Variants in KIF2C observed in about 807,000 individuals in gnomAD.
KIF2C encodes kinesin family member 2C.
KIF2C carries 34 observed loss-of-function variants against 97.4 expected under a neutral mutation model. That is an observed-to-expected ratio of 0.35 (90% confidence interval 0.27 to 0.46). The LOEUF (loss-of-function observed/expected upper bound fraction) is 0.46. Among genes scored for constraint, KIF2C ranks in the 20% least tolerant of loss-of-function variants. KIF2C has a pLI of 1.00. For missense variants in KIF2C, 750 were observed against 907.6 expected (o/e 0.83, Z 2.23); for synonymous variants, 313 against 318.2 (o/e 0.98, Z 0.17).
intron 10 of KIF2C, among the ~76,000 whole-genome samples, 157 bp from the exon 11 acceptor site, chr1:44,757,399 A>C (rs1281143395): frequency 6.6e-6 from 1 of 152,104 alleles, no homozygotes; most frequent in Non-Finnish European, 1.5e-5. Context: ...CAGATTTGTA[A>C]AGTGGGGTTG....
In KIF2C at chr1:44,753,222, G is replaced by C. The variant is rs144386774; in HGVS notation, c.530G>C (p.Arg177Pro). The C allele has an allele frequency of 6.2e-7, 1 of 1,613,892 alleles. No individual in the cohort carries two copies. The highest frequency in any genetic ancestry group is 2.2e-5 in the East Asian group (1 of 44,858). The change falls in exon 6 of 21, where the codon CGA becomes CCA. Residue 177 changes from arginine (R) to proline (P), a missense_variant. By Grantham distance (103) the Arg-to-Pro change is moderately radical (BLOSUM62 -2). Coordinates refer to ENST00000372224, the MANE Select transcript of KIF2C (RefSeq NM_006845.4). ...EEMEEQVHSI[R>P]GSSSANPVNS... is the part of the protein sequence containing the mutation. ...ATGGAAGAGCAAGTCCATTCCATCC[G>C]AGGCAGCTCTTCTGCAAACCCTGTG...
Position 44,739,859 on chromosome 1 carries a change from G to T in KIF2C, c.-74G>T, listed in dbSNP as rs1648841592. 1.6e-5 allele frequency: 22 copies of T among 1,392,790 alleles called. No homozygotes were observed. Among genetic ancestry groups the T allele is most frequent in the Middle Eastern group, 1.8e-4 (1 of 5,638 alleles). 86.3% of individuals were successfully genotyped at this position (1,392,790 alleles called of 1,614,324 possible). A position where few individuals can be genotyped will look rare whatever the true frequency, so the allele number is the denominator to read the frequency against. On this transcript the variant is annotated 5_prime_UTR_variant, in exon 1 of 21. Coordinates refer to ENST00000372224, the MANE Select transcript of KIF2C (RefSeq NM_006845.4). ...TTTAAACTGCGGCGGTTTACGCGGC[G>T]TTAAGACTTCGTAGGGTTAGCGAAA...
At chr1:44,764,337 G>C (rs1030491808) in intron 19 of KIF2C, among the ~76,000 whole-genome samples, 1 of 151,534 alleles carries the variant, frequency 6.6e-6, no homozygotes, top group Admixed American at 6.6e-5. Flanking sequence ...CACCATGCCT[G>C]GCTAATTTTT....
chr1:44,751,531 G>A (rs923992202), intron 5 of KIF2C, among the ~76,000 whole-genome samples: 29 of 128,934 alleles, frequency 2.2e-4, no homozygotes, highest in Non-Finnish European at 1.7e-4. Context: ...TTTTTGAGAC[G>A]GAATTTTGCT....
Position 44,757,945 on chromosome 1 carries a change from C to T in KIF2C, c.1106C>T (p.Ala369Val), listed in dbSNP as rs528814648. ...GACCTCTCTGGGAAAGCCCAGAATG[C>T]ATCCAAAGGGATCTATGCCATGGCC... Reference protein sequence around the residue: ...GGDLSGKAQNASKGIYAMASR... With the variant: ...GGDLSGKAQNVSKGIYAMASR... Residue 369 changes from alanine to valine, a missense_variant, in exon 12 of 21, where the codon GCA becomes GTA. Ala to Val is a moderately conservative substitution (Grantham distance 64). Transcript: ENST00000372224. 109 of 1,614,182 alleles carry T rather than the reference C, an allele frequency of 6.8e-5. 1 individual carries two copies. In the Admixed American group the frequency reaches 1.8e-3, roughly 27 times the overall value.
At position 44,747,550 on chromosome 1, in the gene KIF2C, G is replaced by C. The variant is rs940155928; in HGVS notation, c.267+65G>C. The C allele has an allele frequency of 8.3e-6, 13 of 1,571,678 alleles. No individual in the cohort carries two copies. In the African/African-American group the frequency reaches 1.4e-4, roughly 16 times the overall value. Reference sequence around the variant, plus strand: ...AATTCACTTTGCTTATTGACTCTTTGCTGATTGATTGTCTGGCATTTTAGC... The same window carrying C: ...AATTCACTTTGCTTATTGACTCTTTCCTGATTGATTGTCTGGCATTTTAGC... On this transcript the variant is annotated intron_variant, in intron 3 of 20. Transcript: ENST00000372224.
At chr1:44,761,562 C>T (rs987353619) in intron 16 of KIF2C, among the ~76,000 whole-genome samples, 12 of 150,940 alleles carry the variant, frequency 8.0e-5, no homozygotes, top group African/African-American at 2.4e-4. Flanking sequence ...GAGCTGAGAT[C>T]GCACCACTGC....
chr1:44,748,263 G>A (rs6666987), intron 4 of KIF2C, among the ~76,000 whole-genome samples: 68,562 of 151,952 alleles, frequency 0.45, 16,158 homozygotes, highest in African/African-American at 0.59. Flanking sequence ...CTTAAAGCCA[G>A]TTGTACCTTG....
intron 7 of KIF2C, 39 bp downstream of exon 7, chr1:44,753,872 A>T: frequency 7.7e-7 from 1 of 1,306,248 alleles, no homozygotes. Flanking sequence ...GTTTTTGGAC[A>T]GGTGTCCTTA....
rs763885503 is a variant in KIF2C at position 44,755,909 on chromosome 1, C to T, written c.760-20C>T. The T allele has an allele frequency of 6.2e-7, 1 of 1,613,054 alleles. No individual in the cohort carries two copies. Among genetic ancestry groups the T allele is most frequent in the Non-Finnish European group, 8.5e-7 (1 of 1,179,814 alleles). ...GCTCTGACCCTTTGCTGTTGGTTGCCTCCTCTCATCCGCTTGCAGATCGAA... is the reference window on the plus strand; with the variant it reads ...GCTCTGACCCTTTGCTGTTGGTTGCTTCCTCTCATCCGCTTGCAGATCGAA... On this transcript the variant is annotated intron_variant, in intron 8 of 20. Coordinates refer to ENST00000372224, the MANE Select transcript of KIF2C (RefSeq NM_006845.4).
chr1:44,745,466 T>C (rs994799855), intron 2 of KIF2C, among the ~76,000 whole-genome samples: 23 of 116,916 alleles, frequency 2.0e-4, no homozygotes, highest in African/African-American at 6.7e-4. Context: ...GTATATGTCT[T>C]TTTTTTTTTT....
rs1008244030 is a variant in KIF2C, at chr1:44,750,578, G to A, written c.439+14G>A. The A allele has an allele frequency of 6.6e-7, 1 of 1,520,210 alleles. No individual in the cohort carries two copies. The highest frequency in any genetic ancestry group is 8.9e-7 in the Non-Finnish European group (1 of 1,125,590). The allele number at this position is 1,520,210 out of a possible 1,614,324, so 94.2% of individuals were successfully genotyped here. On this transcript the variant is annotated intron_variant, in intron 5 of 20. Transcript: ENST00000372224. Reference sequence around the variant, plus strand: ...TTTCAGTTCCTCGTGAGTAACGAATGTGCCCCCAACCACCATGTTTGAGGC... The same window carrying A: ...TTTCAGTTCCTCGTGAGTAACGAATATGCCCCCAACCACCATGTTTGAGGC...
intron 2 of KIF2C, among the ~76,000 whole-genome samples, chr1:44,744,912 G>A (rs1025376098): frequency 9.9e-5 from 15 of 151,078 alleles, no homozygotes; most frequent in Admixed American, 2.0e-4. Context: ...AAAAAAGGCC[G>A]GGCGTGGTGG....
chr1:44,766,630 G>T (rs932094958), intron 19 of KIF2C, among the ~76,000 whole-genome samples, 196 bp from the exon 20 acceptor site: 1 of 151,896 alleles, frequency 6.6e-6, no homozygotes, highest in East Asian at 1.9e-4. Flanking sequence ...CAAAGAAAAC[G>T]AAAAAAACAA....
chr1:44,760,252 A>T lies in KIF2C; in HGVS notation c.1368-28A>T, dbSNP rs781147289. On this transcript the variant is annotated intron_variant, in intron 14 of 20. Coordinates refer to ENST00000372224, the MANE Select transcript of KIF2C (RefSeq NM_006845.4). The surrounding 1 kb of genome is among the most constrained non-coding windows in gnomAD (Gnocchi z 4.2). ...GGGTGCCATGGGGGCTGGTGACCAC[A>T]GAATCTCATAACCTTTCTTTACCAC... 3.1e-6 allele frequency: 5 copies of T among 1,608,260 alleles called. No homozygotes were observed. The Admixed American group carries it at 8.3e-5, about 27-fold the overall frequency.
At position 44,760,993 on chromosome 1, in the gene KIF2C, A is replaced by T; in HGVS notation, c.1683+291A>T. On this transcript the variant is annotated intron_variant, in intron 16 of 20. Coordinates refer to ENST00000372224, the MANE Select transcript of KIF2C (RefSeq NM_006845.4). This position sits in a 1 kb window ranked among gnomAD's most constrained non-coding sequence, Gnocchi z 4.2. Reference sequence around the variant, plus strand: ...AAAAGGGGGTTCCAGAATTCGGAAGATGGGCCTTTGGGTCAGCAGGAGAGG... The same window carrying T: ...AAAAGGGGGTTCCAGAATTCGGAAGTTGGGCCTTTGGGTCAGCAGGAGAGG... 1 of 349,868 alleles carries T rather than the reference A, an allele frequency of 2.9e-6. No homozygotes were observed. Among genetic ancestry groups the T allele is most frequent in the Non-Finnish European group, 5.4e-6 (1 of 186,000 alleles). 21.7% of individuals were successfully genotyped at this position (349,868 alleles called of 1,614,324 possible). A position where few individuals can be genotyped will look rare whatever the true frequency, so the allele number is the denominator to read the frequency against.
At chr1:44,757,469 C>A in intron 10 of KIF2C, 87 bp from the exon 11 acceptor site, 2 of 876,328 alleles carry the variant, frequency 2.3e-6, no homozygotes, top group South Asian at 1.4e-5. Flanking sequence ...AGGAATCGAC[C>A]CTAGAACTCT....
At chr1:44,767,033 C>A in intron 20 of KIF2C, 64 bp from the exon 21 acceptor site, 4 of 1,609,350 alleles carry the variant, frequency 2.5e-6, no homozygotes, top group Non-Finnish European at 3.4e-6. Flanking sequence ...CAGCTCTGCC[C>A]TGAGTGAATG....
Position 44,762,648 on chromosome 1 carries a change from A to T in KIF2C, c.1961A>T (p.Glu654Val). The part of the protein sequence containing the change: ...LEEKAMEELK[E>V]IIQQGPDWLE... ...GAGAAGGCTATGGAAGAGCTCAAGGAGATCATACAGGTAGGCAGCTGGCCC... is the reference window on the plus strand; with the variant it reads ...GAGAAGGCTATGGAAGAGCTCAAGGTGATCATACAGGTAGGCAGCTGGCCC... Residue 654 changes from glutamate to valine, a missense_variant, in exon 19 of 21, where the codon GAG becomes GTG. By Grantham distance (121) the Glu-to-Val change is moderately radical (BLOSUM62 -2). Coordinates refer to ENST00000372224, the MANE Select transcript of KIF2C (RefSeq NM_006845.4). 2 of 1,612,228 alleles carry T rather than the reference A, an allele frequency of 1.2e-6. No homozygotes were observed. The highest frequency in any genetic ancestry group is 1.7e-6 in the Non-Finnish European group (2 of 1,178,376).
Sources: allele counts gnomAD v4.1 joint callset (sites outside exome capture counted in the v4.1 genomes callset), GRCh38; gene constraint gnomAD v4.1.1; non-coding constraint Gnocchi (gnomAD v3.1); transcripts MANE v1.5; gene names NCBI Gene and HGNC (gene_info 2026-07-23, HGNC 2026-07-21).